Variants in NYAP2 observed in about 807,000 individuals in gnomAD.
NYAP2 encodes neuronal tyrosine-phosphorylated phosphoinositide-3-kinase adapter 2.
NYAP2 carries 23 observed loss-of-function variants against 50.4 expected under a neutral mutation model. The observed-to-expected ratio is 0.46, with a 90% CI of 0.33 to 0.65. The LOEUF is 0.65. NYAP2 is among the 30% of genes least tolerant of loss of function. The probability of loss-of-function intolerance (pLI) is 0.02; values close to 1 mark genes in which losing one functional copy is unlikely to be tolerated. For synonymous variants in NYAP2, 394 were observed against 365.2 expected (o/e 1.08, Z -0.90); for missense variants, 885 against 861.0 (o/e 1.03, Z -0.35).
At chr2:225,410,021 T>C (rs1695008277) in intron 3 of NYAP2, among the ~76,000 whole-genome samples, 1 of 152,128 alleles carries the variant, frequency 6.6e-6, no homozygotes, top group African/African-American at 2.4e-5. Context: ...ATTAATACTT[T>C]TGCTTATCAT....
intron 3 of NYAP2, among the ~76,000 whole-genome samples, chr2:225,472,131 G>A (rs1478710156): frequency 6.6e-6 from 1 of 152,186 alleles, no homozygotes; most frequent in Non-Finnish European, 1.5e-5. Flanking sequence ...AAGAGGTAGA[G>A]CTGGGATCTG....
intron 4 of NYAP2, among the ~76,000 whole-genome samples, chr2:225,515,536 T>C (rs1443436412): frequency 1.3e-5 from 2 of 152,110 alleles, no homozygotes; most frequent in African/African-American, 4.8e-5. Context: ...AGACATTTGA[T>C]TCTTTTTCTC....
At chr2:225,555,968 G>A (rs550071044) in intron 4 of NYAP2, among the ~76,000 whole-genome samples, 29 of 152,224 alleles carry the variant, frequency 1.9e-4, no homozygotes, top group Admixed American at 1.9e-3. Flanking sequence ...CTGCTCTGTT[G>A]TTTCTATAAG....
intron 3 of NYAP2, among the ~76,000 whole-genome samples, chr2:225,430,083 C>G (rs1695343999): frequency 6.6e-6 from 1 of 151,782 alleles, no homozygotes; most frequent in Non-Finnish European, 1.5e-5. Context: ...TCATATTTAT[C>G]TCTCTCTCTC....
At chr2:225,646,746 A>G (rs1693641998) in intron 6 of NYAP2, among the ~76,000 whole-genome samples, 1 of 152,150 alleles carries the variant, frequency 6.6e-6, no homozygotes, top group South Asian at 2.1e-4. Context: ...CTCATTGTAG[A>G]ACTAGCCCAC....
At chr2:225,608,049 A>G (rs1233098991) in intron 5 of NYAP2, among the ~76,000 whole-genome samples, 2 of 152,144 alleles carry the variant, frequency 1.3e-5, no homozygotes, top group East Asian at 3.8e-4. Flanking sequence ...AAGACCAGAC[A>G]ATGAGGTTGG....
At chr2:225,664,635 G>A in the NYAP2 span, among the ~76,000 whole-genome samples, 1 of 152,190 alleles carries the variant, frequency 6.6e-6, no homozygotes, top group South Asian at 2.1e-4. Context: ...TTGGGAGGCA[G>A]AGGTGGTTGG....
At chr2:225,649,865 T>A (rs1304713227) in intron 6 of NYAP2, among the ~76,000 whole-genome samples, 1 of 152,178 alleles carries the variant, frequency 6.6e-6, no homozygotes, top group East Asian at 1.9e-4. Flanking sequence ...TGAAAACAAT[T>A]GTTTAAGATC....
chr2:225,478,996 A>G (rs547279544), intron 3 of NYAP2, among the ~76,000 whole-genome samples: 19 of 152,320 alleles, frequency 1.2e-4, no homozygotes, highest in Non-Finnish European at 1.5e-5. Context: ...GGGAAAAAAA[A>G]TAAGAGATTC....
intron 5 of NYAP2, among the ~76,000 whole-genome samples, chr2:225,592,796 C>T (rs545672052): frequency 6.6e-6 from 1 of 152,250 alleles, no homozygotes; most frequent in East Asian, 1.9e-4. Flanking sequence ...ATGTGTTTAT[C>T]CCCCGTGTTT....
intron 3 of NYAP2, among the ~76,000 whole-genome samples, chr2:225,420,654 C>T (rs1385437590): frequency 6.6e-6 from 1 of 151,304 alleles, no homozygotes; most frequent in African/African-American, 2.4e-5. Flanking sequence ...CTCTGCCACC[C>T]AGGCTGAGTG....
At chr2:225,660,946 C>A in the NYAP2 span, among the ~76,000 whole-genome samples, 1,391 of 152,266 alleles carry the variant, frequency 9.1e-3, 9 homozygotes, top group Admixed American at 0.022. Context: ...ATATGTGCAG[C>A]TGTTTTCATT....
intron 6 of NYAP2, among the ~76,000 whole-genome samples, chr2:225,645,115 G>A (rs72980404): frequency 0.015 from 2,347 of 151,986 alleles, 37 homozygotes; most frequent in Middle Eastern, 0.034. Context: ...CAGGTTAGCC[G>A]TCCATGGTGG....
At chr2:225,456,998 T>C (rs1163103104) in intron 3 of NYAP2, among the ~76,000 whole-genome samples, 2 of 152,172 alleles carry the variant, frequency 1.3e-5, no homozygotes, top group African/African-American at 4.8e-5. Flanking sequence ...AAAAGTGATT[T>C]CCTTGAAATG....
chr2:225,630,433 A>G (rs1693286257), intron 6 of NYAP2, among the ~76,000 whole-genome samples: 1 of 152,196 alleles, frequency 6.6e-6, no homozygotes, highest in South Asian at 2.1e-4. Flanking sequence ...CTGATGGACT[A>G]CACAGTTCTG....
In NYAP2 at chr2:225,582,431, A is replaced by G. The variant is rs768725994; in HGVS notation, c.1014A>G (p.Val338=). ...TTTCTCACAGACCCCCGCTGCTGGT[A>G]TTTCCCCCCGCCCCCGTGCATTGCT... The change falls in exon 5 of 7, where the codon GTA becomes GTG. Residue 338 remains valine, a synonymous_variant. Coordinates refer to ENST00000636099, the Ensembl canonical transcript of NYAP2. This position sits in a 1 kb window ranked among gnomAD's most constrained non-coding sequence, Gnocchi z 7.0. 3 of 1,302,684 alleles carry G rather than the reference A, an allele frequency of 2.3e-6. No individual in the cohort carries two copies. Among genetic ancestry groups the G allele is most frequent in the East Asian group, 8.3e-5 (2 of 24,114 alleles). 80.7% of individuals were successfully genotyped at this position (1,302,684 alleles called of 1,614,324 possible). A position where few individuals can be genotyped will look rare whatever the true frequency, so the allele number is the denominator to read the frequency against.
chr2:225,494,080 T>G (rs556218984), intron 3 of NYAP2, among the ~76,000 whole-genome samples: 22 of 152,370 alleles, frequency 1.4e-4, no homozygotes, highest in African/African-American at 5.3e-4. Flanking sequence ...TTAGTTATTT[T>G]GTAAAATGGG....
chr2:225,696,676 T>G, the NYAP2 span, among the ~76,000 whole-genome samples: 1 of 151,944 alleles, frequency 6.6e-6, no homozygotes, highest in South Asian at 2.1e-4. Flanking sequence ...CATAGGGTGT[T>G]GTACTAAAAT....
chr2:225,464,555 A>G (rs1689885193), intron 3 of NYAP2, among the ~76,000 whole-genome samples: 1 of 152,216 alleles, frequency 6.6e-6, no homozygotes. Context: ...TGGGCAGCGC[A>G]TGAGCCTGCT....
Sources: allele counts gnomAD v4.1 joint callset (sites outside exome capture counted in the v4.1 genomes callset), GRCh38; gene constraint gnomAD v4.1.1; non-coding constraint Gnocchi (gnomAD v3.1); transcripts MANE v1.5; gene names NCBI Gene and HGNC (gene_info 2026-07-23, HGNC 2026-07-21).